Variants in GPN3 observed in about 807,000 individuals in gnomAD.
GPN3 encodes ATP-binding domain 1 family member C.
In GPN3, 31 loss-of-function variants were observed where a neutral mutation model predicts 38.7. That is an observed-to-expected ratio of 0.80 (90% confidence interval 0.60 to 1.08). The LOEUF is 1.08. Ranked by LOEUF, GPN3 falls within the 50% of genes least tolerant of loss-of-function variation. GPN3 has a pLI of 0.00. For synonymous variants in GPN3, 116 were observed against 120.2 expected, an observed-to-expected ratio of 0.96 and a Z score of 0.23; for missense variants, 301 against 354.4, an observed-to-expected ratio of 0.85 and a Z score of 1.21.
intron 1 of GPN3, 43 bp from the exon 2 acceptor site, chr12:110,465,257 G>A (rs769301230): frequency 9.5e-7 from 1 of 1,056,548 alleles, no homozygotes; most frequent in Non-Finnish European, 1.5e-6. Flanking sequence ...AACAGGTAGT[G>A]TAGTGCTACC....
chr12:110,462,146 G>T (rs945748060), intron 2 of GPN3, among the ~76,000 whole-genome samples: 1 of 152,118 alleles, frequency 6.6e-6, no homozygotes, highest in African/African-American at 2.4e-5. Flanking sequence ...CCCATCCTAA[G>T]TCCTCTTTTT....
At chr12:110,461,390 G>A in intron 2 of GPN3, 5 of 429,298 alleles carry the variant, frequency 1.2e-5, no homozygotes, top group African/African-American at 6.5e-5. Flanking sequence ...ATCAAATAAA[G>A]TTATAAAATT....
Position 110,452,647 on chromosome 12 carries a change from T to C in GPN3, c.*387A>G, listed in dbSNP as rs2062520612. 1 of 204,584 alleles carries C rather than the reference T, an allele frequency of 4.9e-6. No homozygotes were observed. Among genetic ancestry groups the C allele is most frequent in the African/African-American group, 2.4e-5 (1 of 41,894 alleles). The allele number at this position is 204,584 out of a possible 1,614,324, so 12.7% of individuals were successfully genotyped here. ...GATACAGATAAGCAGTGGTCTTATATATATCCTTGCAGCTTTTTCCCTTCG... is the reference window on the plus strand; with the variant it reads ...GATACAGATAAGCAGTGGTCTTATACATATCCTTGCAGCTTTTTCCCTTCG... On this transcript the variant is annotated 3_prime_UTR_variant, in exon 8 of 8. Coordinates refer to ENST00000228827, the MANE Select transcript of GPN3 (RefSeq NM_016301.4).
chr12:110,464,338 T>C (rs545410588), intron 2 of GPN3, among the ~76,000 whole-genome samples: 2 of 152,322 alleles, frequency 1.3e-5, no homozygotes, highest in East Asian at 1.9e-4. Context: ...ATGTTCATCA[T>C]GTTGTTTATT....
chr12:110,453,195 C>G (rs998066615), intron 7 of GPN3, 99 bp from the exon 8 acceptor site: 1 of 616,072 alleles, frequency 1.6e-6, no homozygotes, highest in Admixed American at 2.9e-5. Flanking sequence ...CTATGTGGAA[C>G]TAATTACCCA....
chr12:110,463,798 C>A (rs561872578), intron 2 of GPN3, among the ~76,000 whole-genome samples: 99 of 146,258 alleles, frequency 6.8e-4, no homozygotes, highest in Middle Eastern at 3.4e-3. Flanking sequence ...AAAAAAAAAA[C>A]CCCAAAACGT....
intron 3 of GPN3, 99 bp from the exon 4 acceptor site, chr12:110,457,733 A>C (rs2062560722): frequency 7.3e-6 from 6 of 826,050 alleles, no homozygotes; most frequent in Middle Eastern, 3.5e-4. Context: ...CAAAAATAAA[A>C]GCCAACACAT....
In GPN3 at chr12:110,452,926, CTT is replaced by C; in HGVS notation, c.*106_*107del. ...GAGGCTGATAAAGAACGAAGTTTTA[CTT>C]TTTTTCATTAAAATAAGTAGCTTTC... On this transcript the variant is annotated 3_prime_UTR_variant, in exon 8 of 8. Transcript: ENST00000228827. The C allele has an allele frequency of 1.4e-6, 1 of 715,830 alleles. No individual in the cohort carries two copies. The highest frequency in any genetic ancestry group is 2.1e-5 in the Admixed American group (1 of 47,736). The allele number at this position is 715,830 out of a possible 1,614,324, so 44.3% of individuals were successfully genotyped here.
At chr12:110,462,108 A>G (rs73191806) in intron 2 of GPN3, among the ~76,000 whole-genome samples, 22,468 of 152,158 alleles carry the variant, frequency 0.15, 2,348 homozygotes, top group African/African-American at 0.29. Flanking sequence ...CTCCCAAAGT[A>G]CTGGGATTAC....
intron 6 of GPN3, 119 bp from the exon 7 acceptor site, chr12:110,453,990 A>ATT: frequency 1.5e-6 from 1 of 684,018 alleles, no homozygotes; most frequent in South Asian, 2.0e-5. Context: ...TGATGTGTTT[A>ATT]CAGGAAGAGG....
rs762786311 is a variant in GPN3 at position 110,465,105 on chromosome 12, C to T, written c.157+1G>A. ...GGGGGGAGCCTTTGCTCAGGACTTA[C>T]CAGCCATCACGGAGTAGTTGAAGTG... On this transcript the variant is annotated splice_donor_variant, in intron 2 of 7. Coordinates refer to ENST00000228827, the MANE Select transcript of GPN3 (RefSeq NM_016301.4). LOFTEE classifies it high-confidence loss of function. 1.3e-6 allele frequency: 2 copies of T among 1,540,964 alleles called. No homozygotes were observed. Among genetic ancestry groups the T allele is most frequent in the East Asian group, 4.5e-5 (2 of 44,564 alleles).
upstream of GPN3, chr12:110,468,670 A>G: frequency 1.3e-6 from 2 of 1,536,230 alleles, no homozygotes; most frequent in Non-Finnish European, 1.7e-6. Flanking sequence ...CTGCTTCCAC[A>G]GAGAGGTGCA....
chr12:110,463,236 G>A (rs888669843), intron 2 of GPN3, among the ~76,000 whole-genome samples: 8 of 151,406 alleles, frequency 5.3e-5, no homozygotes, highest in Non-Finnish European at 8.8e-5. Flanking sequence ...CCTGGAAATC[G>A]AGACCAGCCT....
rs759535477 is a variant in GPN3, at chr12:110,453,888, T to C, written c.664-17A>G. 5.0e-6 allele frequency: 8 copies of C among 1,588,112 alleles called. No homozygotes were observed. In the African/African-American group the frequency reaches 1.1e-4, roughly 21 times the overall value. Reference sequence around the variant, plus strand: ...GTCATCAATCTACAAGTTGTGGATTTCAAGAAAAGTTCATTCTGAAGTTGT... The same window carrying C: ...GTCATCAATCTACAAGTTGTGGATTCCAAGAAAAGTTCATTCTGAAGTTGT... On this transcript the variant is annotated splice_polypyrimidine_tract_variant and intron_variant, in intron 6 of 7. Transcript: ENST00000228827.
chr12:110,455,560 A>G, intron 6 of GPN3, 26 bp downstream of exon 6: 1 of 1,046,466 alleles, frequency 9.6e-7, no homozygotes, highest in South Asian at 1.3e-5. Flanking sequence ...GCACCTGGCC[A>G]AAAAATCCAA....
intron 1 of GPN3, among the ~76,000 whole-genome samples, chr12:110,465,916 A>C (rs1169277431): frequency 6.6e-6 from 1 of 152,104 alleles, no homozygotes; most frequent in African/African-American, 2.4e-5. Flanking sequence ...GTCTCTACTA[A>C]AAATACAAAA....
chr12:110,461,440 A>G (rs1565844451), intron 2 of GPN3: 1 of 576,896 alleles, frequency 1.7e-6, no homozygotes, highest in Non-Finnish European at 3.0e-6. Flanking sequence ...AAACAAACAA[A>G]AATAGAAAAA....
At chr12:110,467,924 C>G (rs2062647585) in intron 1 of GPN3, among the ~76,000 whole-genome samples, 1 of 152,094 alleles carries the variant, frequency 6.6e-6, no homozygotes, top group African/African-American at 2.4e-5. Flanking sequence ...TAGAAATAAG[C>G]GAGGCGTTTC....
chr12:110,463,606 C>CAAAAAAAAAAAAAAAAAAA (rs60072879), intron 2 of GPN3, among the ~76,000 whole-genome samples: 2 of 64,290 alleles, frequency 3.1e-5, no homozygotes, highest in Admixed American at 2.6e-4. Flanking sequence ...CCTGTCTCTA[C>CAAAAAAAAAAAAAAAAAAA]AAAAAAAAAA....
Sources: gnomAD v4.1 joint callset for allele counts (sites outside exome capture counted in the v4.1 genomes callset) on GRCh38, gnomAD v4.1.1 for gene constraint, MANE v1.5 for transcripts, NCBI Gene and HGNC (gene_info 2026-07-23, HGNC 2026-07-21) for gene names.